Variants in ERP44 observed in about 807,000 individuals in gnomAD.
The protein encoded by ERP44 is endoplasmic reticulum resident protein 44.
In ERP44, 25 loss-of-function variants were observed where a neutral mutation model predicts 53.4. The ratio of observed to expected loss-of-function variants is 0.47; its 90% CI spans 0.34 to 0.65. ERP44 has a LOEUF of 0.65. ERP44 is among the 30% of genes least tolerant of loss of function. The probability of loss-of-function intolerance (pLI) is 0.01; values close to 1 mark genes in which losing one functional copy is unlikely to be tolerated. For synonymous variants in ERP44, 145 were observed against 161.2 expected, an observed-to-expected ratio of 0.90 and a Z score of 0.76; for missense variants, 338 against 493.2, an observed-to-expected ratio of 0.69 and a Z score of 2.98.
intron 10 of ERP44, among the ~76,000 whole-genome samples, chr9:99,988,907 G>A (rs905421817): frequency 7.9e-5 from 12 of 152,212 alleles, no homozygotes; most frequent in African/African-American, 2.4e-4. Context: ...TGGCTCCCAC[G>A]CCCACAGAGC....
intron 1 of ERP44, among the ~76,000 whole-genome samples, chr9:100,091,246 C>A (rs978181540): frequency 1.3e-5 from 2 of 152,158 alleles, no homozygotes; most frequent in Non-Finnish European, 1.5e-5. Context: ...AATGTGGTGA[C>A]CACAATATCA....
intron 4 of ERP44, among the ~76,000 whole-genome samples, chr9:100,033,000 CAAGG>C (rs1825808410): frequency 6.6e-6 from 1 of 152,152 alleles, no homozygotes; most frequent in South Asian, 2.1e-4. Flanking sequence ...TTTTAAGAAT[CAAGG>C]AAACTCTTCT....
intron 1 of ERP44, among the ~76,000 whole-genome samples, chr9:100,076,202 C>T (rs1194070885): frequency 6.6e-6 from 1 of 152,214 alleles, no homozygotes; most frequent in East Asian, 1.9e-4. Flanking sequence ...TCTGACCCAT[C>T]TAGCCATAAA....
At chr9:100,011,100 C>T (rs990978965) in intron 8 of ERP44, among the ~76,000 whole-genome samples, 2 of 152,008 alleles carry the variant, frequency 1.3e-5, no homozygotes, top group East Asian at 1.9e-4. Context: ...GGACTTCAAA[C>T]GGTCTGCTTT....
chr9:100,096,813 C>T (rs1026417145), intron 1 of ERP44, among the ~76,000 whole-genome samples: 6 of 152,040 alleles, frequency 3.9e-5, no homozygotes, highest in Admixed American at 1.3e-4. Context: ...GAAAAAAGTA[C>T]ACGGGGGAAC....
chr9:100,048,721 G>A (rs892153598), intron 4 of ERP44, among the ~76,000 whole-genome samples: 17 of 152,264 alleles, frequency 1.1e-4, no homozygotes, highest in Admixed American at 8.5e-4. Context: ...GCTACAACAC[G>A]AATGAGCCTT....
intron 1 of ERP44, among the ~76,000 whole-genome samples, chr9:100,084,474 T>C (rs1196446170): frequency 6.6e-6 from 1 of 152,232 alleles, no homozygotes; most frequent in African/African-American, 2.4e-5. Context: ...GTATTGGTTT[T>C]AATTACCTAA....
chr9:100,075,183 A>G (rs1445509869), intron 1 of ERP44, among the ~76,000 whole-genome samples: 2 of 152,236 alleles, frequency 1.3e-5, no homozygotes, highest in Non-Finnish European at 2.9e-5. Context: ...TGCAGAAGAT[A>G]GATGGATCTT....
At chr9:99,991,590 T>C (rs1402987505) in intron 10 of ERP44, among the ~76,000 whole-genome samples, 1 of 151,986 alleles carries the variant, frequency 6.6e-6, no homozygotes, top group Non-Finnish European at 1.5e-5. Context: ...TACCCTACCA[T>C]CACAATTAAA....
chr9:100,001,151 T>C (rs1830372168), intron 10 of ERP44, among the ~76,000 whole-genome samples: 1 of 152,200 alleles, frequency 6.6e-6, no homozygotes, highest in Non-Finnish European at 1.5e-5. Flanking sequence ...TTGTGAATTT[T>C]CCAATTTACT....
chr9:99,993,727 C>T (rs1391649849), intron 10 of ERP44, among the ~76,000 whole-genome samples: 1 of 152,092 alleles, frequency 6.6e-6, no homozygotes, highest in African/African-American at 2.4e-5. Flanking sequence ...GAACAGGCAA[C>T]CTTAAGAATG....
At chr9:100,002,207 T>C (rs1373431617) in intron 10 of ERP44, among the ~76,000 whole-genome samples, 3 of 152,104 alleles carry the variant, frequency 2.0e-5, no homozygotes, top group African/African-American at 7.2e-5. Flanking sequence ...CATCTTTTTA[T>C]ATTGTGTATC....
At chr9:100,034,968 A>G (rs1171616069) in intron 4 of ERP44, among the ~76,000 whole-genome samples, 1 of 152,184 alleles carries the variant, frequency 6.6e-6, no homozygotes, top group Non-Finnish European at 1.5e-5. Context: ...AAAATAAGCA[A>G]TGGAAGAAGA....
chr9:100,090,967 C>T (rs1826548581), intron 1 of ERP44, among the ~76,000 whole-genome samples: 1 of 152,190 alleles, frequency 6.6e-6, no homozygotes, highest in African/African-American at 2.4e-5. Flanking sequence ...TTCTTAAATC[C>T]ATTCACCAAA....
At chr9:100,002,088 T>TA (rs1830383687) in intron 10 of ERP44, among the ~76,000 whole-genome samples, 1 of 151,720 alleles carries the variant, frequency 6.6e-6, no homozygotes, top group Non-Finnish European at 1.5e-5. Flanking sequence ...CTATGTCCTA[T>TA]GCTCATAACA....
chr9:99,998,129 T>C (rs184107332), intron 10 of ERP44, among the ~76,000 whole-genome samples: 1 of 152,224 alleles, frequency 6.6e-6, no homozygotes, highest in African/African-American at 2.4e-5. Context: ...ATTTAAGACA[T>C]GATCACTACT....
At chr9:100,088,608 A>G (rs1275529437) in intron 1 of ERP44, among the ~76,000 whole-genome samples, 1 of 152,260 alleles carries the variant, frequency 6.6e-6, no homozygotes, top group Non-Finnish European at 1.5e-5. Context: ...AGATCTAAGA[A>G]TGAGAAAAGG....
At chr9:99,997,803 C>G (rs1339633163) in intron 10 of ERP44, among the ~76,000 whole-genome samples, 1 of 152,150 alleles carries the variant, frequency 6.6e-6, no homozygotes, top group African/African-American at 2.4e-5. Flanking sequence ...TAAAACACAG[C>G]ACACTTTGCA....
At chr9:100,071,091 A>T (rs1826297008) in intron 1 of ERP44, among the ~76,000 whole-genome samples, 1 of 103,386 alleles carries the variant, frequency 9.7e-6, no homozygotes, top group Non-Finnish European at 1.9e-5. Context: ...AAATTATATA[A>T]GGTTTTTTTT....
Sources: allele counts gnomAD v4.1 joint callset (sites outside exome capture counted in the v4.1 genomes callset), GRCh38; gene constraint gnomAD v4.1.1; transcripts MANE v1.5; gene names NCBI Gene and HGNC (gene_info 2026-07-23, HGNC 2026-07-21).